The following FARSB variants were observed in gnomAD, a reference collection of about 807,000 sequenced individuals.
FARSB encodes phenylalanyl-tRNA synthetase subunit beta.
Under a neutral mutation model 69.6 loss-of-function variants are expected in FARSB, and 40 were observed. The observed-to-expected ratio is 0.57, with a 90% CI of 0.45 to 0.75. The LOEUF (loss-of-function observed/expected upper bound fraction) is 0.75, where lower values mean the gene tolerates loss of function less well. Among genes scored for constraint, FARSB ranks in the 30% least tolerant of loss-of-function variants. The pLI, the probability that FARSB is intolerant of heterozygous loss-of-function variation, is 0.00. For missense variants in FARSB, 632 were observed against 722.9 expected (o/e 0.87, Z 1.44); for synonymous variants, 235 against 247.2 (o/e 0.95, Z 0.46).
At chr2:222,637,328 A>G (rs1691608911) in intron 5 of FARSB, among the ~76,000 whole-genome samples, 1 of 152,186 alleles carries the variant, frequency 6.6e-6, no homozygotes, top group South Asian at 2.1e-4. Context: ...CCTGAGAGCA[A>G]GAGACATAGC....
In FARSB at chr2:222,599,969, G is replaced by A; in HGVS notation, c.1577C>T (p.Pro526Leu). Reference sequence around the variant, plus strand: ...CACATATCCCCCCTTGTCTTCACCAGGAGGCACATCGAGCAACTGCATAAT... The same window carrying A: ...CACATATCCCCCCTTGTCTTCACCAAGAGGCACATCGAGCAACTGCATAAT... Reference protein sequence around the residue: ...DRIMQLLDVPPGEDKGGYVIK... With the variant: ...DRIMQLLDVPLGEDKGGYVIK... The change falls in exon 16 of 17, where the codon CCT becomes CTT. Residue 526 changes from proline (P) to leucine (L), a missense_variant. Coordinates refer to ENST00000281828, the MANE Select transcript of FARSB (RefSeq NM_005687.5). 6.2e-7 allele frequency: 1 copy of A among 1,608,978 alleles called. No homozygotes were observed. The highest frequency in any genetic ancestry group is 1.3e-5 in the African/African-American group (1 of 74,548).
chr2:222,631,546 C>A, intron 8 of FARSB, 58 bp downstream of exon 8: 1 of 934,404 alleles, frequency 1.1e-6, no homozygotes, highest in South Asian at 1.3e-5. Context: ...TAGTCTTGGT[C>A]CGGAAATAAA....
At chr2:222,650,410 C>T (rs1692003411) in intron 1 of FARSB, among the ~76,000 whole-genome samples, 2 of 152,064 alleles carry the variant, frequency 1.3e-5, no homozygotes, top group African/African-American at 4.8e-5. Context: ...TGCAATAGTA[C>T]AGATGCGATA....
At chr2:222,596,555 TA>T (rs1228056634) in intron 16 of FARSB, among the ~76,000 whole-genome samples, 1 of 152,122 alleles carries the variant, frequency 6.6e-6, no homozygotes, top group Non-Finnish European at 1.5e-5. Flanking sequence ...TATGCCAGAG[TA>T]ATATCAGACA....
Position 222,624,795 on chromosome 2 carries a change from AAAAGT to A in FARSB, c.901-25_901-21del, listed in dbSNP as rs1339340562. 6.7e-7 allele frequency: 1 copy of A among 1,498,360 alleles called. No individual in the cohort carries two copies. Among genetic ancestry groups the A allele is most frequent in the Non-Finnish European group, 9.2e-7 (1 of 1,084,348 alleles). 92.8% of individuals were successfully genotyped at this position (1,498,360 alleles called of 1,614,324 possible). On this transcript the variant is annotated intron_variant, in intron 10 of 16. Coordinates refer to ENST00000281828, the MANE Select transcript of FARSB (RefSeq NM_005687.5). The stretch of plus-strand genomic sequence containing the variant: ...TAATTCCTTAAATAGAAAGAGTTTA[AAAAGT>A]AAATCATTTCCCATCAGATACAGCT...
intron 16 of FARSB, among the ~76,000 whole-genome samples, chr2:222,597,774 A>G (rs994144039): frequency 6.6e-5 from 10 of 152,156 alleles, no homozygotes; most frequent in Admixed American, 6.5e-4. Flanking sequence ...ATGTGCTAAA[A>G]TCCCTTCCCA....
intron 16 of FARSB, among the ~76,000 whole-genome samples, chr2:222,573,397 C>T (rs1689761362): frequency 6.6e-6 from 1 of 152,164 alleles, no homozygotes; most frequent in Non-Finnish European, 1.5e-5. Flanking sequence ...GCTCTGCACA[C>T]TAATCCACAC....
At chr2:222,593,750 A>C (rs1690338302) in intron 16 of FARSB, among the ~76,000 whole-genome samples, 1 of 151,950 alleles carries the variant, frequency 6.6e-6, no homozygotes, top group Non-Finnish European at 1.5e-5. Context: ...ACGTGCCTGT[A>C]GTCCCGGCTA....
At chr2:222,643,040 ATAATT>A (rs778657934) in intron 2 of FARSB, 35 bp from the exon 3 acceptor site, 2 of 1,374,174 alleles carry the variant, frequency 1.5e-6, no homozygotes, top group East Asian at 2.5e-5. Context: ...TAAAAATTAA[ATAATT>A]TAAACTCTCT....
intron 14 of FARSB, among the ~76,000 whole-genome samples, chr2:222,619,129 G>A (rs1280443513): frequency 2.0e-5 from 3 of 147,896 alleles, no homozygotes; most frequent in South Asian, 2.2e-4. Flanking sequence ...GCGACAGAGC[G>A]AGACTCTGTC....
chr2:222,595,201 T>C (rs1690379297), intron 16 of FARSB, among the ~76,000 whole-genome samples: 1 of 152,208 alleles, frequency 6.6e-6, no homozygotes, highest in East Asian at 1.9e-4. Flanking sequence ...TAGAAAGATC[T>C]CCCTTTATTA....
At chr2:222,589,209 C>T (rs1355385208) in intron 16 of FARSB, among the ~76,000 whole-genome samples, 1 of 152,132 alleles carries the variant, frequency 6.6e-6, no homozygotes, top group Admixed American at 6.5e-5. Flanking sequence ...AATAATACCA[C>T]ACATCTACAA....
At chr2:222,630,864 G>A (rs1691403851) in intron 8 of FARSB, among the ~76,000 whole-genome samples, 1 of 152,106 alleles carries the variant, frequency 6.6e-6, no homozygotes, top group African/African-American at 2.4e-5. Context: ...CTGAAGGCAA[G>A]GAGTACCTAA....
intron 10 of FARSB, among the ~76,000 whole-genome samples, chr2:222,626,057 G>C (rs1461500192): frequency 2.0e-5 from 3 of 151,922 alleles, no homozygotes; most frequent in East Asian, 3.9e-4. Context: ...GACCAGCCTG[G>C]CCAATGTAGT....
intron 16 of FARSB, among the ~76,000 whole-genome samples, chr2:222,579,383 C>G (rs1279174663): frequency 6.6e-6 from 1 of 152,120 alleles, no homozygotes; most frequent in East Asian, 1.9e-4. Context: ...TAGGACATAC[C>G]CAAGTAGGGT....
Position 222,570,874 on chromosome 2 carries a change from T to C in FARSB, c.*997A>G, listed in dbSNP as rs1574903358. 1.3e-5 allele frequency: 2 copies of C among 152,240 alleles called. No individual in the cohort carries two copies. Among genetic ancestry groups the C allele is most frequent in the East Asian group, 3.9e-4 (2 of 5,178 alleles). The allele number at this position is 152,240 out of a possible 1,614,324, so 9.4% of individuals were successfully genotyped here. A position where few individuals can be genotyped will look rare whatever the true frequency, so the allele number is the denominator to read the frequency against. On this transcript the variant is annotated 3_prime_UTR_variant, in exon 17 of 17. Transcript: ENST00000281828. The stretch of plus-strand genomic sequence containing the variant: ...TTTAAAGTATTATATTTTATCATAT[T>C]TCTTATTACTTCAATAGTACCTGGG...
At position 222,571,890 on chromosome 2, in the gene FARSB, T is replaced by C; in HGVS notation, c.1751A>G (p.Asn584Ser). ...LTMPCSSLEI[N>S]VGPFL is the part of the protein sequence containing the mutation. ...CAATCTTCACAAAAAGGGTCCAACATTGATTTCTAGGGAGGAGCAGGGCAT... is the reference window on the plus strand; with the variant it reads ...CAATCTTCACAAAAAGGGTCCAACACTGATTTCTAGGGAGGAGCAGGGCAT... The change falls in exon 17 of 17, where the codon AAT becomes AGT. Residue 584 changes from asparagine (N) to serine (S), a missense_variant. Physicochemically the swap from Asn to Ser is conservative, Grantham distance 46. Transcript: ENST00000281828. 1 of 1,612,852 alleles carries C rather than the reference T, an allele frequency of 6.2e-7. No individual in the cohort carries two copies. Among genetic ancestry groups the C allele is most frequent in the Non-Finnish European group, 8.5e-7 (1 of 1,179,494 alleles).
intron 9 of FARSB, among the ~76,000 whole-genome samples, chr2:222,629,685 T>C (rs370952759): frequency 3.9e-5 from 6 of 152,254 alleles, no homozygotes; most frequent in African/African-American, 1.2e-4. Context: ...CTTATCTCCC[T>C]GAACAGATTA....
At chr2:222,624,078 T>G (rs1051612824) in intron 12 of FARSB, among the ~76,000 whole-genome samples, 194 bp downstream of exon 12, 1 of 152,216 alleles carries the variant, frequency 6.6e-6, no homozygotes, top group Admixed American at 6.5e-5. Flanking sequence ...TTCAAAGAAC[T>G]AGTCATCACA....
Sources: gnomAD v4.1 joint callset for allele counts (sites outside exome capture counted in the v4.1 genomes callset) on GRCh38, gnomAD v4.1.1 for gene constraint, MANE v1.5 for transcripts, NCBI Gene and HGNC (gene_info 2026-07-23, HGNC 2026-07-21) for gene names.